FREM1: variants seen among roughly 807,000 people sequenced by gnomAD.
The protein encoded by FREM1 is FRAS1 related extracellular matrix 1.
Under a neutral mutation model 210.1 loss-of-function variants are expected in FREM1, and 220 were observed. The observed-to-expected ratio is 1.05, with a 90% CI of 0.94 to 1.17. The LOEUF (loss-of-function observed/expected upper bound fraction) is 1.17, where lower values mean the gene tolerates loss of function less well. FREM1 is among the 50% of genes most tolerant of loss of function. The pLI, the probability that FREM1 is intolerant of heterozygous loss-of-function variation, is 0.00. For missense variants in FREM1, 3,454 were observed against 2,675.5 expected (o/e 1.29, Z -6.42); for synonymous variants, 1,189 against 980.2 (o/e 1.21, Z -3.98).
At chr9:14,766,647 T>C (rs1846465744) in intron 27 of FREM1, among the ~76,000 whole-genome samples, 1 of 152,126 alleles carries the variant, frequency 6.6e-6, no homozygotes, top group African/African-American at 2.4e-5. Flanking sequence ...ACAGTCAAGA[T>C]TCTGAATTTT....
At chr9:14,900,518 G>T (rs4740594) in intron 1 of FREM1, among the ~76,000 whole-genome samples, 1 of 151,856 alleles carries the variant, frequency 6.6e-6, no homozygotes, top group East Asian at 1.9e-4. Flanking sequence ...TGGGGATGCC[G>T]CCTCCAAGAA....
chr9:14,849,511 C>G (rs10961755), intron 6 of FREM1, among the ~76,000 whole-genome samples: 12,347 of 152,208 alleles, frequency 0.081, 710 homozygotes, highest in African/African-American at 0.15. Context: ...CACAGAAATG[C>G]AAGGCATACT....
chr9:14,760,170 T>C (rs1388011604), intron 27 of FREM1, among the ~76,000 whole-genome samples: 2 of 152,242 alleles, frequency 1.3e-5, no homozygotes, highest in African/African-American at 4.8e-5. Flanking sequence ...GGCTGCTGAA[T>C]GTCTCCCAGA....
At chr9:14,833,767 G>C (rs1410430656) in intron 10 of FREM1, among the ~76,000 whole-genome samples, 3 of 152,006 alleles carry the variant, frequency 2.0e-5, no homozygotes, top group Non-Finnish European at 4.4e-5. Context: ...TTCTTTTTTT[G>C]GATGTTGTTT....
upstream of FREM1, chr9:14,910,764 A>G (rs1265973965): frequency 6.6e-6 from 1 of 152,268 alleles, no homozygotes; most frequent in East Asian, 1.9e-4. Context: ...ACATGTACAT[A>G]CTCACACAGA....
At chr9:14,875,071 C>G (rs988979349) in intron 1 of FREM1, among the ~76,000 whole-genome samples, 9 of 152,162 alleles carry the variant, frequency 5.9e-5, no homozygotes, top group Admixed American at 3.9e-4. Flanking sequence ...TTGTGGATAA[C>G]CCGACCTTTC....
At chr9:14,817,351 G>T (rs1007561327) in intron 14 of FREM1, among the ~76,000 whole-genome samples, 1 of 152,166 alleles carries the variant, frequency 6.6e-6, no homozygotes, top group African/African-American at 2.4e-5. Context: ...CTTGATCAAT[G>T]AATTATGTAT....
rs775587953 is a variant in FREM1, at chr9:14,805,155, A to G, written c.3275-3T>C. The G allele has an allele frequency of 9.1e-6, 14 of 1,537,500 alleles. No homozygotes were observed. The South Asian group carries it at 1.8e-4, about 20-fold the overall frequency. On this transcript the variant is annotated splice_polypyrimidine_tract_variant and splice_region_variant and intron_variant, in intron 18 of 36. Transcript: ENST00000380880. Reference sequence around the variant, plus strand: ...CATGTCTTTCCACTGAAATGAATCTAGAGCACACCAAGATGGAACAGATAA... The same window carrying G: ...CATGTCTTTCCACTGAAATGAATCTGGAGCACACCAAGATGGAACAGATAA...
intron 1 of FREM1, among the ~76,000 whole-genome samples, chr9:14,909,436 A>C (rs1195143888): frequency 6.6e-6 from 1 of 152,194 alleles, no homozygotes; most frequent in Non-Finnish European, 1.5e-5. Flanking sequence ...AACAGAAATC[A>C]TGTTTTTGAA....
intron 25 of FREM1, among the ~76,000 whole-genome samples, chr9:14,772,462 T>A (rs759924799): frequency 6.6e-6 from 1 of 152,140 alleles, no homozygotes; most frequent in Non-Finnish European, 1.5e-5. Context: ...ACAGGCAATA[T>A]GCATAAAAAA....
chr9:14,887,381 T>G (rs1386390358), intron 1 of FREM1, among the ~76,000 whole-genome samples: 1 of 152,216 alleles, frequency 6.6e-6, no homozygotes, highest in African/African-American at 2.4e-5. Flanking sequence ...CCAAGTGCCC[T>G]TTCCCCTGTA....
intron 36 of FREM1, among the ~76,000 whole-genome samples, chr9:14,738,180 A>G (rs1840743990): frequency 6.6e-6 from 1 of 152,146 alleles, no homozygotes; most frequent in Non-Finnish European, 1.5e-5. Context: ...CCACTGGCAA[A>G]TTTTGCAAAT....
intron 11 of FREM1, 98 bp downstream of exon 11, chr9:14,824,698 G>A (rs1437375266): frequency 2.5e-6 from 2 of 812,580 alleles, no homozygotes; most frequent in Non-Finnish European, 3.9e-6. Context: ...AATGGAGCAA[G>A]TAAACCACAG....
chr9:14,876,875 C>T (rs1259701394), intron 1 of FREM1, among the ~76,000 whole-genome samples: 2 of 152,134 alleles, frequency 1.3e-5, no homozygotes, highest in East Asian at 3.9e-4. Flanking sequence ...ATATTTTTTC[C>T]ATTCACATTT....
intron 1 of FREM1, among the ~76,000 whole-genome samples, chr9:14,882,116 T>G (rs1249952523): frequency 6.6e-6 from 1 of 152,124 alleles, no homozygotes; most frequent in Non-Finnish European, 1.5e-5. Context: ...TTATTTTGTG[T>G]GTGTGTGTGT....
intron 24 of FREM1, among the ~76,000 whole-genome samples, chr9:14,780,492 T>C (rs1484536463): frequency 6.7e-6 from 1 of 148,574 alleles, no homozygotes. Flanking sequence ...AGCATGTTCT[T>C]TTAGTACCCG....
At chr9:14,874,780 T>C (rs1302280304) in intron 1 of FREM1, among the ~76,000 whole-genome samples, 1 of 152,230 alleles carries the variant, frequency 6.6e-6, no homozygotes, top group Non-Finnish European at 1.5e-5. Context: ...CTTCACAATT[T>C]GGCATGATTT....
chr9:14,850,109 G>C (rs1042226298), intron 6 of FREM1, among the ~76,000 whole-genome samples: 6 of 152,118 alleles, frequency 3.9e-5, no homozygotes, highest in Admixed American at 2.0e-4. Context: ...CAGTCTGCTC[G>C]TTTACAATTT....
chr9:14,834,950 C>T (rs1824270795), intron 10 of FREM1, among the ~76,000 whole-genome samples: 1 of 152,114 alleles, frequency 6.6e-6, no homozygotes, highest in Admixed American at 6.6e-5. Flanking sequence ...TGTTGTCTTG[C>T]TTTGTTCCTT....
Sources: allele counts gnomAD v4.1 joint callset (sites outside exome capture counted in the v4.1 genomes callset), GRCh38; gene constraint gnomAD v4.1.1; transcripts MANE v1.5; gene names NCBI Gene and HGNC (gene_info 2026-07-23, HGNC 2026-07-21).